AKAP1: variants seen among roughly 807,000 people sequenced by gnomAD.
The protein encoded by AKAP1 is A-kinase anchoring protein 1, also known as A-kinase anchor protein 1, mitochondrial.
In AKAP1, 32 loss-of-function variants were observed where a neutral mutation model predicts 79.8. The observed-to-expected ratio is 0.40, with a 90% CI of 0.30 to 0.54. AKAP1 has a LOEUF of 0.54. Among genes scored for constraint, AKAP1 ranks in the 20% least tolerant of loss-of-function variants. The probability of loss-of-function intolerance (pLI) is 0.47; values close to 1 mark genes in which losing one functional copy is unlikely to be tolerated. For missense variants in AKAP1, 961 were observed against 1,138.9 expected, an observed-to-expected ratio of 0.84 and a Z score of 2.25; for synonymous variants, 416 against 466.7, an observed-to-expected ratio of 0.89 and a Z score of 1.40.
At position 57,105,915 on chromosome 17, in the gene AKAP1, T is replaced by C. The variant is rs1356039155; in HGVS notation, c.451T>C (p.Ser151Pro). 6.2e-7 allele frequency: 1 copy of C among 1,614,036 alleles called. No individual in the cohort carries two copies. Among genetic ancestry groups the C allele is most frequent in the Non-Finnish European group, 8.5e-7 (1 of 1,180,034 alleles). Residue 151 changes from serine (S) to proline (P), a missense_variant, in exon 2 of 11, where the codon TCC becomes CCC. Ser to Pro is a moderately conservative substitution (Grantham distance 74, BLOSUM62 -1). Coordinates refer to ENST00000337714, the MANE Select transcript of AKAP1 (RefSeq NM_003488.4). ...GATTCCTCTAGAGTGCCCCCTTTCA[T>C]CCCCAAAGGGTGTACTATTCTCCAG... ...KSIPLECPLS[S>P]PKGVLFSSKS...
At chr17:57,114,249 G>A (rs142583503) in intron 5 of AKAP1, among the ~76,000 whole-genome samples, 32 of 152,284 alleles carry the variant, frequency 2.1e-4, no homozygotes, top group South Asian at 1.4e-3. Flanking sequence ...ATGGCTGCTC[G>A]TGGTATTGCA....
intron 1 of AKAP1, among the ~76,000 whole-genome samples, chr17:57,089,227 G>A (rs533779181): frequency 1.3e-3 from 201 of 152,318 alleles, no homozygotes; most frequent in Middle Eastern, 0.01. Context: ...CTGGAGTGAT[G>A]TGTTTGGGCT....
chr17:57,093,528 A>G (rs1190212651), intron 1 of AKAP1: 1 of 152,212 alleles, frequency 6.6e-6, no homozygotes, highest in Non-Finnish European at 1.5e-5. Flanking sequence ...GGGTCTCTGA[A>G]GCAAAATTGG....
At chr17:57,118,269 T>A in intron 8 of AKAP1, 112 bp from the exon 9 acceptor site, 1 of 985,286 alleles carries the variant, frequency 1.0e-6, no homozygotes, top group East Asian at 2.5e-5. Context: ...AGTTCTCAAG[T>A]TCCACAGCAT....
At chr17:57,109,520 G>C (rs890845929) in intron 2 of AKAP1, among the ~76,000 whole-genome samples, 4 of 152,226 alleles carry the variant, frequency 2.6e-5, no homozygotes, top group African/African-American at 9.6e-5. Context: ...TGAGGACTTT[G>C]TCTAGCTCTG....
rs114023035 is a variant in AKAP1 at position 57,091,401 on chromosome 17, G to T, written c.-25+6003G>T. Among the ~76,000 whole-genome samples the T allele has an allele frequency of 2.3e-3, 346 of 152,280 alleles. 2 individuals are homozygous for T. The highest frequency in any genetic ancestry group is 7.9e-3 in the African/African-American group (327 of 41,546). The stretch of plus-strand genomic sequence containing the variant: ...AGCTGCTGCTGTCTCTGCTGCCACC[G>T]CCTCGTCAGGAGAGAGAGGAGAATA... On this transcript the variant is annotated intron_variant, in intron 1 of 10. Transcript: ENST00000337714.
At chr17:57,118,709 C>T (rs1915739615) in intron 9 of AKAP1, among the ~76,000 whole-genome samples, 1 of 152,120 alleles carries the variant, frequency 6.6e-6, no homozygotes, top group African/African-American at 2.4e-5. Context: ...AGGAAACTTA[C>T]AATCATGGCA....
chr17:57,119,924 G>A (rs140815315), intron 10 of AKAP1, among the ~76,000 whole-genome samples: 13 of 140,340 alleles, frequency 9.3e-5, no homozygotes, highest in Non-Finnish European at 1.2e-4. Context: ...CTCCGCCTCC[G>A]GGGTTCAAGC....
At chr17:57,120,144 C>A in intron 10 of AKAP1, 106 bp from the exon 11 acceptor site, 1 of 944,198 alleles carries the variant, frequency 1.1e-6, no homozygotes, top group Non-Finnish European at 1.7e-6. Flanking sequence ...TACTCTCATA[C>A]ATCTGTTGCC....
At position 57,108,912 on chromosome 17, in the gene AKAP1, C is replaced by A. The variant is rs1311238554; in HGVS notation, c.1715-1113C>A. On this transcript the variant is annotated intron_variant, in intron 2 of 10. Transcript: ENST00000337714. ...GAGCTCCCCGCCCCCTCGCCCAGCC[C>A]CTGTCAGCCTGTTATGCTTCCCGCA... 3.9e-5 allele frequency among the ~76,000 whole-genome samples: 6 copies of A among 152,352 alleles called. No homozygotes were observed. In the East Asian group the frequency reaches 1.2e-3, roughly 29 times the overall value.
intron 5 of AKAP1, among the ~76,000 whole-genome samples, chr17:57,113,394 T>TTCTTTTTG (rs1350453761): frequency 6.6e-6 from 1 of 151,940 alleles, no homozygotes; most frequent in East Asian, 1.9e-4. Flanking sequence ...CCTTCGTGTT[T>TTCTTTTTG]TTTTTTTGTT....
chr17:57,117,386 A>G (rs1416423125), intron 8 of AKAP1, among the ~76,000 whole-genome samples: 1 of 152,094 alleles, frequency 6.6e-6, no homozygotes, highest in African/African-American at 2.4e-5. Context: ...CTTAGCCTCA[A>G]TTTTCACCCC....
chr17:57,111,146 C>T (rs908806948), intron 3 of AKAP1, among the ~76,000 whole-genome samples: 2 of 152,172 alleles, frequency 1.3e-5, no homozygotes, highest in Admixed American at 6.5e-5. Flanking sequence ...CCCAGTAGCT[C>T]CTCCGGGAGG....
chr17:57,100,464 A>C (rs148951175), intron 1 of AKAP1, among the ~76,000 whole-genome samples: 2 of 121,846 alleles, frequency 1.6e-5, no homozygotes, highest in Non-Finnish European at 3.5e-5. Flanking sequence ...CACACACACA[A>C]ACATTAGCCA....
Position 57,106,299 on chromosome 17 carries a change from C to A in AKAP1, c.835C>A (p.Leu279Met), listed in dbSNP as rs369506994. 30 of 1,614,154 alleles carry A rather than the reference C, an allele frequency of 1.9e-5. No homozygotes were observed. Among genetic ancestry groups the A allele is most frequent in the South Asian group, 1.8e-4 (16 of 91,084 alleles). Residue 279 changes from leucine (L) to methionine (M), a missense_variant, in exon 2 of 11, where the codon CTG (leucine) becomes ATG (methionine). This residue lies in a region of AKAP1 where 224 missense variants were observed against 210.2 expected (regional missense o/e 1.07). Transcript: ENST00000337714. ...GTTCATCGAGTCGGCTCACACAGAG[C>A]TGGCAAAGGACGATGCGGCGCCAGC... ...SRFIESAHTE[L>M]AKDDAAPAPP...
At chr17:57,102,718 C>T (rs891766190) in intron 1 of AKAP1, among the ~76,000 whole-genome samples, 6 of 152,012 alleles carry the variant, frequency 3.9e-5, no homozygotes, top group Admixed American at 6.6e-5. Flanking sequence ...GTGATCCACC[C>T]GCCTCAGCCT....
rs1006163937 is a variant in AKAP1, at chr17:57,118,989, G to C, written c.2582G>C (p.Ser861Thr). 2 of 1,613,566 alleles carry C rather than the reference G, an allele frequency of 1.2e-6. No individual in the cohort carries two copies. Among genetic ancestry groups the C allele is most frequent in the East Asian group, 2.2e-5 (1 of 44,876 alleles). ...GNTALLAQVT[S>T]YSPTGLPLIQ... ...TCCACCCCCCTTCTTCAGGTGACAA[G>C]TTACAGTCCAACTGGTCTTCCTCTG... The change falls in exon 10 of 11, where the codon AGT (serine) becomes ACT (threonine). Residue 861 changes from serine to threonine, a missense_variant. Coordinates refer to ENST00000337714, the MANE Select transcript of AKAP1 (RefSeq NM_003488.4).
chr17:57,102,105 G>GA (rs922381449), intron 1 of AKAP1, among the ~76,000 whole-genome samples: 2 of 151,806 alleles, frequency 1.3e-5, no homozygotes, highest in African/African-American at 2.4e-5. Context: ...AAAACATTTT[G>GA]AAAAAAAATT....
At chr17:57,100,311 C>T (rs1029787827) in intron 1 of AKAP1, among the ~76,000 whole-genome samples, 1 of 152,110 alleles carries the variant, frequency 6.6e-6, no homozygotes, top group Non-Finnish European at 1.5e-5. Flanking sequence ...CCTGGCCAGG[C>T]GCGGTGGCTC....
Sources: gnomAD v4.1 joint callset for allele counts (sites outside exome capture counted in the v4.1 genomes callset) on GRCh38, gnomAD v4.1.1 for gene constraint, gnomAD v4.1.1 regional missense constraint, MANE v1.5 for transcripts, NCBI Gene and HGNC (gene_info 2026-07-23, HGNC 2026-07-21) for gene names.